The following POLQ variants were observed in gnomAD, a reference collection of about 807,000 sequenced individuals.
POLQ encodes the protein epididymis secretory sperm binding protein.
In POLQ, 233 loss-of-function variants were observed where a neutral mutation model predicts 259.2. The observed-to-expected ratio is 0.90, with a 90% confidence interval of 0.81 to 1.00. POLQ has a LOEUF of 1.00. POLQ is among the 50% of genes least tolerant of loss of function. The pLI is 0.00. For synonymous variants in POLQ, 1,025 were observed against 1,048.8 expected (o/e 0.98, Z 0.44); for missense variants, 2,871 against 3,051.6 (o/e 0.94, Z 1.39).
chr3:121,462,006 T>C (rs1576405514), intron 24 of POLQ, among the ~76,000 whole-genome samples: 2 of 152,158 alleles, frequency 1.3e-5, no homozygotes, highest in South Asian at 4.1e-4. Context: ...CAAAATCCAA[T>C]ATGCTCCAAA....
chr3:121,520,317 C>T (rs2048328971), intron 8 of POLQ, among the ~76,000 whole-genome samples: 3 of 152,220 alleles, frequency 2.0e-5, no homozygotes, highest in South Asian at 4.2e-4. Flanking sequence ...AGGTGGATCG[C>T]TTGAGGTCAG....
In POLQ at chr3:121,481,766, T is replaced by C; in HGVS notation, c.6017A>G (p.His2006Arg). The C allele has an allele frequency of 6.2e-7, 1 of 1,613,620 alleles. No homozygotes were observed. The highest frequency in any genetic ancestry group is 1.3e-5 in the African/African-American group (1 of 75,018). The change falls in exon 19 of 30, where the codon CAT becomes CGT. Residue 2006 changes from histidine to arginine, a missense_variant. Coordinates refer to ENST00000264233, the MANE Select transcript of POLQ (RefSeq NM_199420.4). ...LDPDSQEPTL[H>R]SIVTSFLPHE... is the part of the protein sequence containing the mutation. ...AGGAAGAAAACTGGTAACTATGCTA[T>C]GAAGAGTCGGCTCCTGAGAATCTGG...
Position 121,522,102 on chromosome 3 carries a change from C to T in POLQ, c.1156G>A (p.Glu386Lys), listed in dbSNP as rs776837608. 3 of 1,610,302 alleles carry T rather than the reference C, an allele frequency of 1.9e-6. No individual in the cohort carries two copies. Among genetic ancestry groups the T allele is most frequent in the Non-Finnish European group, 2.5e-6 (3 of 1,178,368 alleles). ...ECPPVILEQKELLEVMDQLRR... is the reference protein window; with the variant it reads ...ECPPVILEQKKLLEVMDQLRR... ...AACTGATCCATCACTTCCAGGAGTT[C>T]TTTTTGTTCCAGAATTACTGGTGGG... The change falls in exon 8 of 30, where the codon GAA becomes AAA. Residue 386 changes from glutamate (E) to lysine (K), a missense_variant. Glu to Lys is a moderately conservative substitution (Grantham distance 56, BLOSUM62 1). This residue lies in a region of POLQ where 783 missense variants were observed against 906.2 expected (regional missense o/e 0.86). Coordinates refer to ENST00000264233, the MANE Select transcript of POLQ (RefSeq NM_199420.4).
At chr3:121,453,992 T>C (rs1576402151) in intron 25 of POLQ, among the ~76,000 whole-genome samples, 2 of 152,168 alleles carry the variant, frequency 1.3e-5, no homozygotes, top group South Asian at 4.1e-4. Flanking sequence ...AAAGGTCGGG[T>C]TACCCACAAA....
chr3:121,541,198 A>C (rs1427317133), intron 3 of POLQ, 151 bp downstream of exon 3: 1 of 684,652 alleles, frequency 1.5e-6, no homozygotes, highest in African/African-American at 1.8e-5. Context: ...GTAAATTTTT[A>C]ATGCTTTTGG....
chr3:121,519,125 G>C (rs1284216897), intron 9 of POLQ, among the ~76,000 whole-genome samples: 1 of 151,962 alleles, frequency 6.6e-6, no homozygotes, highest in Non-Finnish European at 1.5e-5. Flanking sequence ...TATTCCCAAA[G>C]TGTGAGGGTG....
intron 6 of POLQ, among the ~76,000 whole-genome samples, chr3:121,531,412 G>T (rs1307517561): frequency 2.0e-5 from 3 of 152,086 alleles, no homozygotes; most frequent in Non-Finnish European, 4.4e-5. Flanking sequence ...AACTCTTGTT[G>T]TATTAAAAAA....
chr3:121,494,962 T>TAAA, intron 14 of POLQ: 8 of 584,156 alleles, frequency 1.4e-5, no homozygotes, highest in East Asian at 3.8e-5. Context: ...ATACAAATTT[T>TAAA]CAAAAAAAAA....
intron 12 of POLQ, among the ~76,000 whole-genome samples, chr3:121,508,513 C>T (rs919808770): frequency 2.0e-5 from 3 of 152,136 alleles, no homozygotes; most frequent in Non-Finnish European, 4.4e-5. Context: ...AAAAGTTGAA[C>T]TAAGGCAGTC....
chr3:121,490,161 T>C lies in POLQ; in HGVS notation c.2770A>G (p.Ile924Val), dbSNP rs2048054873. 1 of 1,611,632 alleles carries C rather than the reference T, an allele frequency of 6.2e-7. No homozygotes were observed. The highest frequency in any genetic ancestry group is 8.5e-7 in the Non-Finnish European group (1 of 1,178,252). Residue 924 changes from isoleucine (I) to valine (V), a missense_variant, in exon 16 of 30, where the codon ATA becomes GTA. By Grantham distance (29) the Ile-to-Val change is conservative (BLOSUM62 3). Around this residue, in one of 3 missense-constraint regions of POLQ, gnomAD observed 2,080 missense variants for 2,126.0 expected, o/e 0.98. Transcript: ENST00000264233. The stretch of plus-strand genomic sequence containing the variant: ...TTATAAGAACTCTTAGTTTGGGATA[T>C]AAATGTGTGTTCCTTTACTTCGGAC... ...SESEVKEHTF[I>V]SQTKSSYKKL... is the part of the protein sequence containing the mutation.
chr3:121,440,334 G>GT (rs1274839155), intron 26 of POLQ, among the ~76,000 whole-genome samples: 2 of 152,028 alleles, frequency 1.3e-5, no homozygotes, highest in African/African-American at 2.4e-5. Flanking sequence ...AACTCTTTGG[G>GT]TTTTTTTGTT....
rs147263302 is a variant in POLQ at position 121,471,584 on chromosome 3, A to C, written c.6718+406T>G. Among the ~76,000 whole-genome samples the C allele has an allele frequency of 1.1e-3, 170 of 152,156 alleles. 1 individual carries two copies. In the East Asian group the frequency reaches 0.03, roughly 27 times the overall value. ...TGACGAAACCCCATCTCTACTAAAA[A>C]TACAAAAATTAGCCAGATGTGGTGG... On this transcript the variant is annotated intron_variant, in intron 22 of 29. Coordinates refer to ENST00000264233, the MANE Select transcript of POLQ (RefSeq NM_199420.4).
intron 25 of POLQ, among the ~76,000 whole-genome samples, chr3:121,454,506 C>T (rs1217978390): frequency 6.6e-6 from 1 of 152,096 alleles, no homozygotes; most frequent in South Asian, 2.1e-4. Context: ...TGCAGAGACA[C>T]ACATAGGCTC....
rs202059813 is a variant in POLQ at position 121,539,417 on chromosome 3, T to C, written c.631+16A>G. ...ATAGCAATAGAAAGTATTTACTTATTTTCTAACTTTCTTACCTAACAGATC... is the reference window on the plus strand; with the variant it reads ...ATAGCAATAGAAAGTATTTACTTATCTTCTAACTTTCTTACCTAACAGATC... On this transcript the variant is annotated intron_variant, in intron 4 of 29. Transcript: ENST00000264233. 5.4e-4 allele frequency: 838 copies of C among 1,565,750 alleles called. No individual in the cohort carries two copies. Among genetic ancestry groups the C allele is most frequent in the Non-Finnish European group, 6.9e-4 (793 of 1,150,432 alleles).
intron 1 of POLQ, 139 bp downstream of exon 1, chr3:121,545,576 G>C: frequency 1.3e-6 from 1 of 766,470 alleles, no homozygotes; most frequent in Non-Finnish European, 2.0e-6. Context: ...TGCCACACCA[G>C]GCCCCAGTCA....
rs187738179 is a variant in POLQ at position 121,541,310 on chromosome 3, T to C, written c.474+39A>G. ...TGAATGAAACCAAGACTGCCAATAA[T>C]GAGCCTTTCACTATTTCAAACTTAG... is the stretch of plus-strand genomic sequence containing the variant. On this transcript the variant is annotated intron_variant, in intron 3 of 29. Coordinates refer to ENST00000264233, the MANE Select transcript of POLQ (RefSeq NM_199420.4). The C allele has an allele frequency of 1.0e-4, 154 of 1,495,132 alleles. No individual in the cohort carries two copies. The East Asian group carries it at 3.0e-3, about 29-fold the overall frequency. The allele number at this position is 1,495,132 out of a possible 1,614,324, so 92.6% of individuals were successfully genotyped here. A position where few individuals can be genotyped will look rare whatever the true frequency, so the allele number is the denominator to read the frequency against.
chr3:121,510,049 A>G lies in POLQ; in HGVS notation c.1806T>C (p.Asp602=), dbSNP rs202217955. Residue 602 remains aspartate (D), a synonymous_variant, in exon 11 of 30, where the codon GAT becomes GAC. Coordinates refer to ENST00000264233, the MANE Select transcript of POLQ (RefSeq NM_199420.4). ...AGAAGTCACACTTACCTTCTGTTCC[A>G]TCACTGGCTTCTGTACTCTGGATGA... The part of the protein sequence containing the change: ...NEFIQSTEAS[D]GTEGKVYHPT... The G allele has an allele frequency of 5.5e-5, 89 of 1,613,280 alleles. No homozygotes were observed. Among genetic ancestry groups the G allele is most frequent in the Non-Finnish European group, 3.9e-5 (46 of 1,179,290 alleles).
At chr3:121,496,692 A>T in intron 14 of POLQ, 116 bp downstream of exon 14, 1 of 1,059,446 alleles carries the variant, frequency 9.4e-7, no homozygotes, top group Non-Finnish European at 1.4e-6. Flanking sequence ...GAACTGTACA[A>T]AGTTTTAGCA....
intron 12 of POLQ, among the ~76,000 whole-genome samples, chr3:121,506,450 A>C (rs1382924132): frequency 2.0e-5 from 3 of 152,152 alleles, no homozygotes; most frequent in Non-Finnish European, 4.4e-5. Context: ...AATGCACTAA[A>C]GGTACTTTTT....
Sources: gnomAD v4.1 joint callset for allele counts (sites outside exome capture counted in the v4.1 genomes callset) on GRCh38, gnomAD v4.1.1 for gene constraint, gnomAD v4.1.1 regional missense constraint, MANE v1.5 for transcripts, NCBI Gene and HGNC (gene_info 2026-07-23, HGNC 2026-07-21) for gene names.